The following TRMT44 variants were observed in gnomAD, a reference collection of about 807,000 sequenced individuals.
TRMT44 encodes the protein probable tRNA (uracil-O(2)-)-methyltransferase.
A neutral mutation model predicts 77.3 loss-of-function variants in TRMT44; 78 were observed. That is an observed-to-expected ratio of 1.01 (90% CI 0.84 to 1.22). TRMT44 has a LOEUF of 1.22. Ranked by LOEUF, TRMT44 falls within the 50% of genes most tolerant of loss-of-function variation. TRMT44 has a pLI of 0.00. For synonymous variants in TRMT44, 391 were observed against 383.3 expected, an observed-to-expected ratio of 1.02 and a Z score of -0.23; for missense variants, 1,090 against 964.4, an observed-to-expected ratio of 1.13 and a Z score of -1.73.
At chr4:8,455,388 C>T (rs114483919) in intron 6 of TRMT44, among the ~76,000 whole-genome samples, 5,365 of 152,328 alleles carry the variant, frequency 0.035, 121 homozygotes, top group Middle Eastern at 0.079. Context: ...GTGCCCAGCA[C>T]GGAAGCGAGA....
At chr4:8,442,155 G>A (rs1182639232) in intron 1 of TRMT44, among the ~76,000 whole-genome samples, 1 of 152,216 alleles carries the variant, frequency 6.6e-6, no homozygotes, top group Non-Finnish European at 1.5e-5. Flanking sequence ...GTCTCGCCCA[G>A]AGCATGGGAA....
intron 9 of TRMT44, among the ~76,000 whole-genome samples, chr4:8,469,225 T>C (rs1726814609): frequency 6.6e-6 from 1 of 152,186 alleles, no homozygotes; most frequent in Admixed American, 6.5e-5. Context: ...TCGAACCTGA[T>C]GGTACCTGGT....
At chr4:8,509,640 G>A in the TRMT44 span, 1 of 152,920 alleles carries the variant, frequency 6.5e-6, no homozygotes, top group African/African-American at 2.4e-5. Flanking sequence ...GGAAACTGAG[G>A]CTTGGAAAGA....
At chr4:8,466,106 A>G (rs1726525644) in intron 8 of TRMT44, among the ~76,000 whole-genome samples, 2 of 152,194 alleles carry the variant, frequency 1.3e-5, no homozygotes, top group African/African-American at 4.8e-5. Flanking sequence ...TGCCGCTCCA[A>G]AGGCTTGACC....
chr4:8,459,447 G>A (rs934702954), intron 6 of TRMT44, among the ~76,000 whole-genome samples: 2 of 152,218 alleles, frequency 1.3e-5, no homozygotes, highest in African/African-American at 4.8e-5. Flanking sequence ...TACCCTTGGG[G>A]AGGTTAGGTC....
chr4:8,495,136 A>G (rs1242657995), downstream of TRMT44, among the ~76,000 whole-genome samples: 2 of 152,188 alleles, frequency 1.3e-5, no homozygotes, highest in African/African-American at 2.4e-5. Context: ...TGGAGACCCC[A>G]GGTTAGGGTA....
rs1242579405 is a variant in TRMT44 at position 8,444,401 on chromosome 4, C to CTTT, written c.620-2062_620-2060dup. Among the ~76,000 whole-genome samples, 1 of 141,520 alleles carries CTTT rather than the reference C, an allele frequency of 7.1e-6. No homozygotes were observed. The highest frequency in any genetic ancestry group is 1.6e-5 in the Non-Finnish European group (1 of 64,414). The allele number at this position is 141,520 out of a possible 152,430, so 92.8% of individuals were successfully genotyped here. On this transcript the variant is annotated intron_variant, in intron 1 of 10. Transcript: ENST00000389737. The surrounding 1 kb of genome is among the most constrained non-coding windows in gnomAD (Gnocchi z 4.0). Reference sequence around the variant, plus strand: ...TATAATGAATAATAACTTAATTGTACTTTTTTTTTTTTTTTGAGAGTAGTC... The same window carrying CTTT: ...TATAATGAATAATAACTTAATTGTACTTTTTTTTTTTTTTTTTTGAGAGTAGTC...
chr4:8,515,327 T>C, the TRMT44 span, among the ~76,000 whole-genome samples: 1 of 152,120 alleles, frequency 6.6e-6, no homozygotes, highest in Non-Finnish European at 1.5e-5. Context: ...GAGGAAATGG[T>C]CATGGAGGAT....
chr4:8,488,095 G>T (rs370201038), intron 2 of TRMT44, among the ~76,000 whole-genome samples: 1 of 152,160 alleles, frequency 6.6e-6, no homozygotes, highest in Non-Finnish European at 1.5e-5. Flanking sequence ...GGAGAAGAGA[G>T]TAAAAAGAGG....
intron 9 of TRMT44, 179 bp downstream of exon 9, chr4:8,468,525 T>G (rs1726761592): frequency 1.6e-6 from 1 of 633,534 alleles, no homozygotes; most frequent in Non-Finnish European, 2.7e-6. Flanking sequence ...TCCAAATAGC[T>G]CTTATAAACA....
intron 6 of TRMT44, among the ~76,000 whole-genome samples, chr4:8,458,459 C>CTTTTTTTTT (rs1156752172): frequency 1.3e-4 from 18 of 142,734 alleles, no homozygotes; most frequent in African/African-American, 3.9e-4. Context: ...ATTTTCTTTT[C>CTTTTTTTTT]TTTTCTTTTT....
chr4:8,471,159 G>T lies in TRMT44; in HGVS notation c.2003G>T (p.Gly668Val). The T allele has an allele frequency of 6.2e-7, 1 of 1,608,698 alleles. No homozygotes were observed. The highest frequency in any genetic ancestry group is 8.5e-7 in the Non-Finnish European group (1 of 1,177,412). The change falls in exon 10 of 11, where the codon GGC (glycine) becomes GTC (valine). Residue 668 changes from glycine to valine, a missense_variant. By Grantham distance (109) the Gly-to-Val change is moderately radical. Coordinates refer to ENST00000389737, the MANE Select transcript of TRMT44 (RefSeq NM_152544.3). ...CGGAGGCTGAAGCGGGAGTGTGGGG[G>T]CCTGCAGACGCTGCTCCGGAACAGC... is the stretch of plus-strand genomic sequence containing the variant. ...TLRRLKRECGGLQTLLRNSHQ... is the reference protein window; with the variant it reads ...TLRRLKRECGVLQTLLRNSHQ...
intron 5 of TRMT44, 43 bp downstream of exon 5, chr4:8,453,032 G>GT: frequency 8.0e-7 from 1 of 1,249,902 alleles, no homozygotes; most frequent in Non-Finnish European, 1.1e-6. Context: ...CTTGTCCAGA[G>GT]TTTCCTCAAG....
In TRMT44 at chr4:8,457,883, A is replaced by G. The variant is rs567784288; in HGVS notation, c.1203+3070A>G. On this transcript the variant is annotated intron_variant, in intron 6 of 10. Transcript: ENST00000389737. ...GCCAGTCAAGGAAATCATGAAAGAG[A>G]CTGTGGATATAGCAAACAAAGGCAG... Among the ~76,000 whole-genome samples the G allele has an allele frequency of 9.2e-5, 14 of 152,332 alleles. 1 individual carries two copies. In the South Asian group the frequency reaches 2.9e-3, roughly 32 times the overall value.
At chr4:8,508,372 T>C in the TRMT44 span, among the ~76,000 whole-genome samples, 1 of 152,074 alleles carries the variant, frequency 6.6e-6, no homozygotes, top group Non-Finnish European at 1.5e-5. Flanking sequence ...TGAGGGTGGG[T>C]CTGGGTGCCA....
At chr4:8,469,714 G>C (rs1266985901) in intron 9 of TRMT44, among the ~76,000 whole-genome samples, 1 of 152,212 alleles carries the variant, frequency 6.6e-6, no homozygotes, top group Non-Finnish European at 1.5e-5. Context: ...CCTCCAGATG[G>C]GTGTCCGTGG....
At chr4:8,491,851 G>T (rs1728017899) in intron 2 of TRMT44, among the ~76,000 whole-genome samples, 1 of 152,264 alleles carries the variant, frequency 6.6e-6, no homozygotes, top group Non-Finnish European at 1.5e-5. Context: ...ACAGAAAGGG[G>T]CTCCCACAGT....
chr4:8,469,787 G>A (rs1560238566), intron 9 of TRMT44, among the ~76,000 whole-genome samples: 1 of 152,206 alleles, frequency 6.6e-6, no homozygotes, highest in South Asian at 2.1e-4. Flanking sequence ...CCTCCCTCCC[G>A]CCCACAGGCG....
chr4:8,486,490 ATTTGGATTTGGATTTAAT>A (rs1413591286), intron 2 of TRMT44, among the ~76,000 whole-genome samples: 3 of 151,820 alleles, frequency 2.0e-5, no homozygotes, highest in African/African-American at 7.3e-5. Flanking sequence ...GATTTTATTT[ATTTGGATTTGGATTTAAT>A]TTTGGATTTT....
Sources: allele counts gnomAD v4.1 joint callset (sites outside exome capture counted in the v4.1 genomes callset), GRCh38; gene constraint gnomAD v4.1.1; non-coding constraint Gnocchi (gnomAD v3.1); transcripts MANE v1.5; gene names NCBI Gene and HGNC (gene_info 2026-07-23, HGNC 2026-07-21).